The following SIPA1 variants were observed in gnomAD, a reference collection of about 807,000 sequenced individuals.
SIPA1 encodes signal-induced proliferation-associated 1.
In SIPA1, 51 loss-of-function variants were observed where a neutral mutation model predicts 88.1. That is an observed-to-expected ratio of 0.58 (90% CI 0.46 to 0.73). The LOEUF (loss-of-function observed/expected upper bound fraction) is 0.73, where lower values mean the gene tolerates loss of function less well. Among genes scored for constraint, SIPA1 ranks in the 30% least tolerant of loss-of-function variants. The probability of loss-of-function intolerance (pLI) is 0.00; values close to 1 mark genes in which losing one functional copy is unlikely to be tolerated. For missense variants in SIPA1, 1,348 were observed against 1,467.6 expected, an observed-to-expected ratio of 0.92 and a Z score of 1.33; for synonymous variants, 681 against 664.8, an observed-to-expected ratio of 1.02 and a Z score of -0.37.
chr11:65,645,198 A>G (rs1241452256), intron 5 of SIPA1, 69 bp downstream of exon 5: 1 of 1,464,858 alleles, frequency 6.8e-7, no homozygotes, highest in Non-Finnish European at 9.4e-7. Flanking sequence ...TTGCCTTGTC[A>G]CTCCTTTGTC....
chr11:65,649,936 C>A lies in SIPA1; in HGVS notation c.2747-14C>A. On this transcript the variant is annotated splice_polypyrimidine_tract_variant and intron_variant, in intron 12 of 15. Transcript: ENST00000534313. ...CTGGGCTTCCCTAGCTCAGCCTGCTCCTTGTGCCCACAGTCATGTCGGAGG... is the reference window on the plus strand; with the variant it reads ...CTGGGCTTCCCTAGCTCAGCCTGCTACTTGTGCCCACAGTCATGTCGGAGG... The A allele has an allele frequency of 6.2e-7, 1 of 1,613,874 alleles. No homozygotes were observed.
chr11:65,642,587 G>A lies in SIPA1; in HGVS notation c.932G>A (p.Gly311Asp). 6.3e-7 allele frequency: 1 copy of A among 1,596,432 alleles called. No homozygotes were observed. The change falls in exon 4 of 16, where the codon GGC (glycine) becomes GAC (aspartate). Residue 311 changes from glycine (G) to aspartate (D), a missense_variant. Gly to Asp is a moderately conservative substitution (Grantham distance 94). Around this residue, in one of 4 missense-constraint regions of SIPA1, gnomAD observed 641 missense variants for 797.7 expected, o/e 0.80. Transcript: ENST00000534313. This position sits in a 1 kb window ranked among gnomAD's most constrained non-coding sequence, Gnocchi z 6.5. ...PQLSPSCLRL[G>D]SASPKVPRTL... ...CTGAGCCCCAGCTGCCTGCGCCTGGGCTCAGCTTCACCCAAGGTACCACGG... is the reference window on the plus strand; with the variant it reads ...CTGAGCCCCAGCTGCCTGCGCCTGGACTCAGCTTCACCCAAGGTACCACGG...
Position 65,650,159 on chromosome 11 carries a change from G to A in SIPA1, c.2870G>A (p.Gly957Glu), listed in dbSNP as rs2135535256. The change falls in exon 14 of 16, where the codon GGA becomes GAA. Residue 957 changes from glycine to glutamate, a missense_variant. This residue lies in a region of SIPA1 where 615 missense variants were observed against 559.8 expected (regional missense o/e 1.10). Transcript: ENST00000534313. ...ACAGGACAGCCCATCCCAGAGAGTG[G>A]AGACCCTAAGGGAACTCCAAAATCT... ...SREGQPIPES[G>E]DPKGTPKSDA... 2 of 1,614,082 alleles carry A rather than the reference G, an allele frequency of 1.2e-6. No individual in the cohort carries two copies. Among genetic ancestry groups the A allele is most frequent in the Non-Finnish European group, 1.7e-6 (2 of 1,179,996 alleles).
chr11:65,647,836 C>T (rs1856164737), intron 9 of SIPA1, among the ~76,000 whole-genome samples, 178 bp downstream of exon 9: 1 of 99,816 alleles, frequency 1.0e-5, no homozygotes, highest in Admixed American at 1.4e-4. Flanking sequence ...CTGTCTCTCT[C>T]TCTTTCTCTG....
intron 15 of SIPA1, 39 bp downstream of exon 15, chr11:65,650,518 G>A (rs559229384): frequency 3.1e-6 from 5 of 1,613,264 alleles, no homozygotes; most frequent in African/African-American, 2.7e-5. Flanking sequence ...TCACAGGGCT[G>A]CCCCAGGAAA....
chr11:65,640,210 T>C (rs1156284705), intron 1 of SIPA1: 1 of 152,252 alleles, frequency 6.6e-6, no homozygotes, highest in Admixed American at 6.5e-5. Context: ...GGCCCACAGT[T>C]GGGGCTACTT....
Position 65,646,534 on chromosome 11 carries a change from C to T in SIPA1, c.1500C>T (p.Asn500=), listed in dbSNP as rs550757673. 3.0e-5 allele frequency: 47 copies of T among 1,560,234 alleles called. No individual in the cohort carries two copies. In the South Asian group the frequency reaches 3.6e-4, roughly 12 times the overall value. ...CTGGCGGAGGCCCCTTCGCAGCCAA[C>T]GCCGACTTCCGGGCCTTCCTGCTGG... ...LPAGGGPFAA[N]ADFRAFLLAK... Residue 500 remains asparagine, a synonymous_variant, in exon 8 of 16, where the codon AAC becomes AAT. Transcript: ENST00000534313. This position sits in a 1 kb window ranked among gnomAD's most constrained non-coding sequence, Gnocchi z 7.5.
At position 65,642,116 on chromosome 11, in the gene SIPA1, G is replaced by C; in HGVS notation, c.680-134G>C. 1.6e-6 allele frequency: 2 copies of C among 1,260,384 alleles called. No individual in the cohort carries two copies. Among genetic ancestry groups the C allele is most frequent in the Non-Finnish European group, 2.2e-6 (2 of 913,224 alleles). The allele number at this position is 1,260,384 out of a possible 1,614,324, so 78.1% of individuals were successfully genotyped here. ...GATATTGAGCTCGGGGCTACAGAGG[G>C]GCGGGACTTAGTCTAGGGTCAACAT... On this transcript the variant is annotated intron_variant, in intron 2 of 15. Coordinates refer to ENST00000534313, the MANE Select transcript of SIPA1 (RefSeq NM_006747.4). This position sits in a 1 kb window ranked among gnomAD's most constrained non-coding sequence, Gnocchi z 6.5.
chr11:65,645,018 A>C lies in SIPA1; in HGVS notation c.1048A>C (p.Met350Leu). ...GGCGGGCCAGGGCTCGGAGGAGGAGATGTACAACAACCAGGAGGCGGGACC... is the reference window on the plus strand; with the variant it reads ...GGCGGGCCAGGGCTCGGAGGAGGAGCTGTACAACAACCAGGAGGCGGGACC... ...CRAGQGSEEE[M>L]YNNQEAGPAF... Residue 350 changes from methionine (M) to leucine (L), a missense_variant, in exon 5 of 16, where the codon ATG becomes CTG. Physicochemically the swap from Met to Leu is conservative, Grantham distance 15. This residue lies in a region of SIPA1 where 641 missense variants were observed against 797.7 expected (regional missense o/e 0.80). Transcript: ENST00000534313. 1 of 1,613,898 alleles carries C rather than the reference A, an allele frequency of 6.2e-7. No homozygotes were observed. Among genetic ancestry groups the C allele is most frequent in the East Asian group, 2.2e-5 (1 of 44,884 alleles).
chr11:65,644,806 C>T, intron 4 of SIPA1, 149 bp from the exon 5 acceptor site: 3 of 735,286 alleles, frequency 4.1e-6, no homozygotes, highest in South Asian at 3.6e-5. Flanking sequence ...AGGAGCACAA[C>T]AGACTGTACT....
rs759233501 is a variant in SIPA1 at position 65,641,446 on chromosome 11, A to G, written c.525A>G (p.Leu175=). 6.2e-7 allele frequency: 1 copy of G among 1,612,452 alleles called. No homozygotes were observed. The highest frequency in any genetic ancestry group is 8.5e-7 in the Non-Finnish European group (1 of 1,179,950). ...GTGAGCTCGGGGGTGAGGGTGAGCT[A>G]GGCCTGGGTGGACCAGCATCCCCAC... ...FVCELGGEGE[L]GLGGPASPPV... The change falls in exon 2 of 16, where the codon CTA becomes CTG. Residue 175 remains leucine (L), a synonymous_variant. Transcript: ENST00000534313.
Position 65,649,588 on chromosome 11 carries a change from G to A in SIPA1, c.2553G>A (p.Leu851=). 2 of 1,614,050 alleles carry A rather than the reference G, an allele frequency of 1.2e-6. No homozygotes were observed. Among genetic ancestry groups the A allele is most frequent in the Non-Finnish European group, 1.7e-6 (2 of 1,180,020 alleles). Residue 851 remains leucine, a synonymous_variant, in exon 11 of 16, where the codon CTG becomes CTA. Coordinates refer to ENST00000534313, the MANE Select transcript of SIPA1 (RefSeq NM_006747.4). The part of the protein sequence containing the change: ...RSSLSDEAPV[L]PNTTPDLLLA... ...CTCTGTCGGATGAGGCCCCAGTCCT[G>A]CCCAACACCACCCCGGACCTCCTCC...
At position 65,646,395 on chromosome 11, in the gene SIPA1, T is replaced by A. The variant is rs758425184; in HGVS notation, c.1421+17T>A. On this transcript the variant is annotated intron_variant, in intron 7 of 15. Coordinates refer to ENST00000534313, the MANE Select transcript of SIPA1 (RefSeq NM_006747.4). This position sits in a 1 kb window ranked among gnomAD's most constrained non-coding sequence, Gnocchi z 7.5. ...CACCTACAGGTGGGCACCGGAGTGGTCCCAGGTCTCCCGTGGGCATGGAGT... is the reference window on the plus strand; with the variant it reads ...CACCTACAGGTGGGCACCGGAGTGGACCCAGGTCTCCCGTGGGCATGGAGT... 2 of 1,604,816 alleles carry A rather than the reference T, an allele frequency of 1.2e-6. No homozygotes were observed. The highest frequency in any genetic ancestry group is 2.7e-5 in the African/African-American group (2 of 74,856).
chr11:65,649,899 T>C (rs2135534374), intron 12 of SIPA1, 34 bp downstream of exon 12: 1 of 1,613,196 alleles, frequency 6.2e-7, no homozygotes, highest in Non-Finnish European at 8.5e-7. Flanking sequence ...GGGGAGGGGT[T>C]GGGGGGTGCT....
chr11:65,647,195 G>C, intron 8 of SIPA1, 130 bp downstream of exon 8: 2 of 1,410,248 alleles, frequency 1.4e-6, no homozygotes, highest in Non-Finnish European at 1.8e-6. Context: ...GCCAGCCCCG[G>C]GGCTTGGCAA....
chr11:65,646,101 C>T lies in SIPA1; in HGVS notation c.1264-120C>T. On this transcript the variant is annotated intron_variant, in intron 6 of 15. Coordinates refer to ENST00000534313, the MANE Select transcript of SIPA1 (RefSeq NM_006747.4). The surrounding 1 kb of genome is among the most constrained non-coding windows in gnomAD (Gnocchi z 7.5). ...GGCCCCTTCCCAAAGACAGAAACAC[C>T]CTAGGTCTTCACCAGGGGCAGTGGG... The T allele has an allele frequency of 7.3e-7, 1 of 1,361,930 alleles. No individual in the cohort carries two copies. The highest frequency in any genetic ancestry group is 1.0e-6 in the Non-Finnish European group (1 of 976,112). The allele number at this position is 1,361,930 out of a possible 1,614,324, so 84.4% of individuals were successfully genotyped here.
chr11:65,649,022 T>C (rs1856196086), intron 9 of SIPA1, among the ~76,000 whole-genome samples: 1 of 152,194 alleles, frequency 6.6e-6, no homozygotes, highest in Non-Finnish European at 1.5e-5. Flanking sequence ...ATTATCCCCA[T>C]TTCACAGATG....
Position 65,650,639 on chromosome 11 carries a change from C to A in SIPA1, c.3053C>A (p.Ala1018Glu). Residue 1018 changes from alanine to glutamate, a missense_variant, in exon 16 of 16, where the codon GCG becomes GAG. Physicochemically the swap from Ala to Glu is moderately radical, Grantham distance 107. Coordinates refer to ENST00000534313, the MANE Select transcript of SIPA1 (RefSeq NM_006747.4). ...SLRHNNRRLQ[A>E]ESESAATRLL... ...AGACACAACAACCGGCGGCTGCAGG[C>A]GGAGTCTGAGAGTGCAGCCACACGC... The A allele has an allele frequency of 6.4e-7, 1 of 1,573,162 alleles. No homozygotes were observed. Among genetic ancestry groups the A allele is most frequent in the South Asian group, 1.2e-5 (1 of 86,836 alleles).
At position 65,649,795 on chromosome 11, in the gene SIPA1, C is replaced by T. The variant is rs1856221972; in HGVS notation, c.2676C>T (p.Gly892=). The T allele has an allele frequency of 6.2e-7, 1 of 1,613,976 alleles. No homozygotes were observed. The highest frequency in any genetic ancestry group is 1.7e-5 in the Admixed American group (1 of 60,004). ...GTCCCAGTGGCTCTGAGGACAAGGG[C>T]AACCCGGCGCCGGAGCTGAGGGCCT... is the stretch of plus-strand genomic sequence containing the variant. The part of the protein sequence containing the change: ...PGSPSGSEDK[G]NPAPELRASF... Residue 892 remains glycine (G), a synonymous_variant, in exon 12 of 16, where the codon GGC becomes GGT. Coordinates refer to ENST00000534313, the MANE Select transcript of SIPA1 (RefSeq NM_006747.4).
Sources: allele counts gnomAD v4.1 joint callset (sites outside exome capture counted in the v4.1 genomes callset), GRCh38; gene constraint gnomAD v4.1.1; regional missense constraint gnomAD v4.1.1; non-coding constraint Gnocchi (gnomAD v3.1); transcripts MANE v1.5; gene names NCBI Gene and HGNC (gene_info 2026-07-23, HGNC 2026-07-21).